Variants in ACTR3B observed in about 807,000 individuals in gnomAD.
ACTR3B encodes the protein actin-related protein 3B.
A neutral mutation model predicts 59.0 loss-of-function variants in ACTR3B; 8 were observed. The ratio of observed to expected loss-of-function variants is 0.14; its 90% CI spans 0.08 to 0.24. The LOEUF (loss-of-function observed/expected upper bound fraction) is 0.24. ACTR3B is among the 10% of genes least tolerant of loss of function. The pLI, the probability that ACTR3B is intolerant of heterozygous loss-of-function variation, is 1.00. For synonymous variants in ACTR3B, 148 were observed against 197.9 expected (o/e 0.75, Z 2.12); for missense variants, 245 against 552.3 (o/e 0.44, Z 5.58).
At chr7:152,769,161 T>TTG (rs201729578) in intron 1 of ACTR3B, among the ~76,000 whole-genome samples, 2,709 of 152,046 alleles carry the variant, frequency 0.018, 85 homozygotes, top group African/African-American at 0.062. Context: ...GCTCACATTT[T>TTG]TGTGTGTGTG....
At chr7:152,821,873 G>A (rs1014148753) in intron 7 of ACTR3B, among the ~76,000 whole-genome samples, 5 of 152,238 alleles carry the variant, frequency 3.3e-5, no homozygotes, top group African/African-American at 7.2e-5. Context: ...TTCTGTGGTT[G>A]TGAACAGGCC....
At chr7:152,823,815 C>A (rs1241470484) in intron 8 of ACTR3B, among the ~76,000 whole-genome samples, 1 of 152,198 alleles carries the variant, frequency 6.6e-6, no homozygotes, top group East Asian at 1.9e-4. Flanking sequence ...CACATGCCAG[C>A]ATTACAAGTA....
chr7:152,831,444 G>C (rs1009020268), intron 9 of ACTR3B, among the ~76,000 whole-genome samples: 2 of 152,244 alleles, frequency 1.3e-5, no homozygotes. Context: ...GCTCTCCAGT[G>C]GTGCTCGGTG....
At chr7:152,771,508 G>C (rs1203634638) in intron 1 of ACTR3B, among the ~76,000 whole-genome samples, 2 of 152,158 alleles carry the variant, frequency 1.3e-5, no homozygotes, top group African/African-American at 4.8e-5. Context: ...CTGAAATTAC[G>C]TAGACCACGG....
At chr7:152,767,463 A>G (rs1471057573) in intron 1 of ACTR3B, among the ~76,000 whole-genome samples, 1 of 152,096 alleles carries the variant, frequency 6.6e-6, no homozygotes, top group Non-Finnish European at 1.5e-5. Flanking sequence ...GGGCTTTCCC[A>G]TGTATTTTCG....
At chr7:152,794,224 T>G (rs1263732632) in intron 2 of ACTR3B, among the ~76,000 whole-genome samples, 2 of 152,168 alleles carry the variant, frequency 1.3e-5, no homozygotes, top group African/African-American at 4.8e-5. Context: ...TCTTTTTGAT[T>G]ATTATTATTT....
intron 2 of ACTR3B, among the ~76,000 whole-genome samples, chr7:152,794,997 C>T (rs1220866323): frequency 6.0e-5 from 9 of 150,880 alleles, no homozygotes; most frequent in South Asian, 2.1e-4. Context: ...CCTGTTACCT[C>T]AAGATGCCCT....
intron 1 of ACTR3B, among the ~76,000 whole-genome samples, chr7:152,773,981 A>G (rs1273063088): frequency 3.9e-5 from 6 of 152,036 alleles, no homozygotes; most frequent in Non-Finnish European, 8.8e-5. Context: ...GGATCTAGGG[A>G]GTGTGTTGGG....
chr7:152,769,902 A>T (rs1417032777), intron 1 of ACTR3B, among the ~76,000 whole-genome samples: 3 of 151,302 alleles, frequency 2.0e-5, no homozygotes, highest in African/African-American at 4.9e-5. Context: ...ACTTCTAATT[A>T]AAAAAATTAT....
rs2098083340 is a variant in ACTR3B, at chr7:152,759,836, G to T, written c.-47G>T. The stretch of plus-strand genomic sequence containing the variant: ...GCGGGCGGCGGAGCGGACGGCGACG[G>T]GGCGCTCTCGGGCTGCCGGCGGGGC... On this transcript the variant is annotated 5_prime_UTR_variant, in exon 1 of 12. Coordinates refer to ENST00000256001, the MANE Select transcript of ACTR3B (RefSeq NM_020445.6). 3 of 1,217,232 alleles carry T rather than the reference G, an allele frequency of 2.5e-6. No individual in the cohort carries two copies. Among genetic ancestry groups the T allele is most frequent in the Non-Finnish European group, 3.1e-6 (3 of 975,806 alleles). 75.4% of individuals were successfully genotyped at this position (1,217,232 alleles called of 1,614,324 possible). A position where few individuals can be genotyped will look rare whatever the true frequency, so the allele number is the denominator to read the frequency against.
chr7:152,796,884 T>TGG (rs2098218913), intron 2 of ACTR3B, among the ~76,000 whole-genome samples: 1 of 126,268 alleles, frequency 7.9e-6, no homozygotes, highest in Admixed American at 8.3e-5. Context: ...TTTTTTTTTT[T>TGG]TTTTTTTTTT....
chr7:152,816,903 TC>T, intron 6 of ACTR3B: 1 of 323,662 alleles, frequency 3.1e-6, no homozygotes, highest in South Asian at 2.4e-5. Flanking sequence ...CTCTGCTTGA[TC>T]CCCGTGGGTG....
At chr7:152,823,248 G>A in intron 7 of ACTR3B, 94 bp from the exon 8 acceptor site, 1 of 1,548,042 alleles carries the variant, frequency 6.5e-7, no homozygotes, top group Admixed American at 1.8e-5. Flanking sequence ...TGATCCCAGG[G>A]TGTGTTTGCT....
intron 9 of ACTR3B, among the ~76,000 whole-genome samples, chr7:152,832,908 C>A (rs377378148): frequency 6.6e-6 from 1 of 152,228 alleles, no homozygotes; most frequent in African/African-American, 2.4e-5. Flanking sequence ...AAAACACCCT[C>A]ACAGCAACAC....
intron 1 of ACTR3B, among the ~76,000 whole-genome samples, chr7:152,765,263 A>G (rs2117111282): frequency 6.6e-6 from 1 of 151,878 alleles, no homozygotes; most frequent in Admixed American, 6.6e-5. Flanking sequence ...GATTACAGGC[A>G]TGCGCCACTA....
At chr7:152,845,600 C>T (rs1798209702) in intron 9 of ACTR3B, among the ~76,000 whole-genome samples, 1 of 152,178 alleles carries the variant, frequency 6.6e-6, no homozygotes, top group Admixed American at 6.5e-5. Context: ...GTTTGGCCTC[C>T]GCCTGTTGCT....
chr7:152,820,588 T>C (rs1796068307), intron 7 of ACTR3B, 146 bp downstream of exon 7: 1 of 1,410,234 alleles, frequency 7.1e-7, no homozygotes, highest in African/African-American at 1.4e-5. Context: ...ACCCCTTAAG[T>C]GGGCTGAAGA....
In ACTR3B at chr7:152,834,136, C is replaced by CT. The variant is rs530165049; in HGVS notation, c.951+9017dup. On this transcript the variant is annotated intron_variant, in intron 9 of 11. Transcript: ENST00000256001. Reference sequence around the variant, plus strand: ...CACTTTTACAAAGGAGAATTTACTCCTTTGTAGTCGCTGTTTTTGTTTTTT... The same window carrying CT: ...CACTTTTACAAAGGAGAATTTACTCCTTTTGTAGTCGCTGTTTTTGTTTTTT... Among the ~76,000 whole-genome samples, 20 of 150,904 alleles carry CT rather than the reference C, an allele frequency of 1.3e-4. No individual in the cohort carries two copies. In the East Asian group the frequency reaches 3.7e-3, roughly 28 times the overall value.
chr7:152,761,819 A>T (rs1438048229), intron 1 of ACTR3B, among the ~76,000 whole-genome samples: 1 of 152,214 alleles, frequency 6.6e-6, no homozygotes, highest in Non-Finnish European at 1.5e-5. Context: ...AAATAGGACA[A>T]AAAGTGGTAA....
Sources: allele counts gnomAD v4.1 joint callset (sites outside exome capture counted in the v4.1 genomes callset), GRCh38; gene constraint gnomAD v4.1.1; transcripts MANE v1.5; gene names NCBI Gene and HGNC (gene_info 2026-07-23, HGNC 2026-07-21).